The following EXOC6B variants were observed in gnomAD, a reference collection of about 807,000 sequenced individuals.
The protein encoded by EXOC6B is SEC15 homolog B.
In EXOC6B, 54 loss-of-function variants were observed where a neutral mutation model predicts 113.5. The ratio of observed to expected loss-of-function variants is 0.48; its 90% CI spans 0.38 to 0.60. EXOC6B has a LOEUF of 0.60. Ranked by LOEUF, EXOC6B falls within the 20% of genes least tolerant of loss-of-function variation. The pLI is 0.00. For synonymous variants in EXOC6B, 357 were observed against 339.0 expected, an observed-to-expected ratio of 1.05 and a Z score of -0.58; for missense variants, 797 against 977.5, an observed-to-expected ratio of 0.82 and a Z score of 2.46.
At chr2:72,232,842 C>T (rs1006299936) in intron 20 of EXOC6B, among the ~76,000 whole-genome samples, 3 of 152,054 alleles carry the variant, frequency 2.0e-5, no homozygotes, top group South Asian at 2.1e-4. Flanking sequence ...CAGGCTGAGG[C>T]GGGTGGATCA....
chr2:72,820,173 A>G (rs539868334), intron 1 of EXOC6B, among the ~76,000 whole-genome samples: 1 of 152,286 alleles, frequency 6.6e-6, no homozygotes, highest in Non-Finnish European at 1.5e-5. Context: ...TTTCTTGTTT[A>G]TAAAGAGCTA....
intron 20 of EXOC6B, among the ~76,000 whole-genome samples, chr2:72,247,957 G>A (rs2104532284): frequency 6.6e-6 from 1 of 152,224 alleles, no homozygotes; most frequent in Non-Finnish European, 1.5e-5. Context: ...CCTGGAAAAT[G>A]GGAGATAGAC....
intron 18 of EXOC6B, among the ~76,000 whole-genome samples, chr2:72,391,856 C>T (rs185688385): frequency 1.3e-5 from 2 of 152,120 alleles, no homozygotes; most frequent in Admixed American, 6.6e-5. Flanking sequence ...GCCTGAGCAA[C>T]ATAGTGAGAC....
At position 72,189,860 on chromosome 2, in the gene EXOC6B, C is replaced by CTTTTTTTTTTTTTTTTTT. The variant is rs57679690; in HGVS notation, c.2197-5691_2197-5674dup. ...TCTCTCTCTCTTTCTCCTTCTTCTT[C>CTTTTTTTTTTTTTTTTTT]TTTTTTTTTTTTTTTTTTTTGAGGC... On this transcript the variant is annotated intron_variant, in intron 20 of 21. Coordinates refer to ENST00000272427, the MANE Select transcript of EXOC6B (RefSeq NM_015189.3). Among the ~76,000 whole-genome samples, 11 of 87,252 alleles carry CTTTTTTTTTTTTTTTTTT rather than the reference C, an allele frequency of 1.3e-4. 1 individual carries two copies. The highest frequency in any genetic ancestry group is 5.2e-4 in the African/African-American group (8 of 15,346). The allele number at this position is 87,252 out of a possible 152,430, so 57.2% of individuals were successfully genotyped here.
chr2:72,472,129 A>T (rs1461362017), intron 17 of EXOC6B, among the ~76,000 whole-genome samples: 2 of 152,136 alleles, frequency 1.3e-5, no homozygotes, highest in East Asian at 3.9e-4. Flanking sequence ...TATGTTGCTG[A>T]TAATTTTTGC....
At chr2:72,501,279 T>G (rs900065342) in intron 11 of EXOC6B, among the ~76,000 whole-genome samples, 46 of 152,128 alleles carry the variant, frequency 3.0e-4, no homozygotes, top group African/African-American at 1.1e-3. Context: ...CCTGAGGTAA[T>G]GAGTTCATAT....
chr2:72,795,500 C>G (rs1176056251), intron 1 of EXOC6B, among the ~76,000 whole-genome samples: 2 of 151,918 alleles, frequency 1.3e-5, no homozygotes, highest in African/African-American at 4.8e-5. Context: ...GGCGTGAACC[C>G]GGGAGGCAGA....
At chr2:72,724,396 G>C (rs1680183312) in intron 5 of EXOC6B, among the ~76,000 whole-genome samples, 1 of 152,094 alleles carries the variant, frequency 6.6e-6, no homozygotes, top group Non-Finnish European at 1.5e-5. Flanking sequence ...ATAAAGGTGG[G>C]CCTTTAAGCA....
In EXOC6B at chr2:72,480,583, A is replaced by AAGC. The variant is rs56804361; in HGVS notation, c.1800+30_1800+32dup. Reference sequence around the variant, plus strand: ...GAACGTCCCAGACTGTGTACACCAGAAGCAGTTCCACAGTACTGTAGGGCC... The same window carrying AAGC: ...GAACGTCCCAGACTGTGTACACCAGAAGCAGCAGTTCCACAGTACTGTAGGGCC... On this transcript the variant is annotated intron_variant, in intron 17 of 21. Transcript: ENST00000272427. 954 of 1,549,870 alleles carry AAGC rather than the reference A, an allele frequency of 6.2e-4. 6 individuals are homozygous for AAGC. The African/African-American group carries it at 0.012, about 19-fold the overall frequency.
At chr2:72,314,812 G>A (rs1419157586) in intron 20 of EXOC6B, among the ~76,000 whole-genome samples, 1 of 152,138 alleles carries the variant, frequency 6.6e-6, no homozygotes, top group Admixed American at 6.5e-5. Flanking sequence ...TTAAAACTAA[G>A]GCAAGCATGT....
At chr2:72,273,597 TG>T (rs1684638148) in intron 20 of EXOC6B, among the ~76,000 whole-genome samples, 1 of 152,052 alleles carries the variant, frequency 6.6e-6, no homozygotes, top group Non-Finnish European at 1.5e-5. Flanking sequence ...GTTGAGTAAA[TG>T]TTTGCCAGAG....
chr2:72,199,689 C>T (rs753208873), intron 20 of EXOC6B, among the ~76,000 whole-genome samples: 3 of 152,158 alleles, frequency 2.0e-5, no homozygotes, highest in Non-Finnish European at 4.4e-5. Context: ...CACAATATTA[C>T]TTCTCAGAAT....
intron 18 of EXOC6B, among the ~76,000 whole-genome samples, chr2:72,406,339 T>C (rs554452797): frequency 7.2e-5 from 11 of 152,194 alleles, no homozygotes; most frequent in African/African-American, 2.7e-4. Flanking sequence ...AACTCAGCTC[T>C]GCACCAAGCA....
intron 6 of EXOC6B, among the ~76,000 whole-genome samples, chr2:72,650,694 T>C (rs1674102182): frequency 6.6e-6 from 1 of 151,858 alleles, no homozygotes; most frequent in African/African-American, 2.4e-5. Flanking sequence ...CTGAAGAGGA[T>C]ATAGGAATGG....
chr2:72,314,293 T>G (rs1687381580), intron 20 of EXOC6B, among the ~76,000 whole-genome samples: 2 of 152,196 alleles, frequency 1.3e-5, no homozygotes, highest in African/African-American at 4.8e-5. Context: ...TCTACTCTAC[T>G]CTGCTGGAAT....
At chr2:72,448,783 G>A (rs1696738504) in intron 18 of EXOC6B, among the ~76,000 whole-genome samples, 1 of 152,164 alleles carries the variant, frequency 6.6e-6, no homozygotes, top group East Asian at 1.9e-4. Context: ...TGAGTTCAGA[G>A]TTGTGTTCAA....
At chr2:72,576,598 A>G (rs2103832043) in intron 6 of EXOC6B, among the ~76,000 whole-genome samples, 1 of 152,216 alleles carries the variant, frequency 6.6e-6, no homozygotes, top group South Asian at 2.1e-4. Context: ...CACTACATCA[A>G]CAGTCCCTCA....
chr2:72,557,412 A>G (rs1703620055), intron 8 of EXOC6B, among the ~76,000 whole-genome samples: 1 of 151,462 alleles, frequency 6.6e-6, no homozygotes, highest in Admixed American at 6.6e-5. Context: ...CCTTGATACA[A>G]TTCAATCTAC....
At chr2:72,681,041 C>T (rs997366549) in intron 6 of EXOC6B, among the ~76,000 whole-genome samples, 1 of 152,184 alleles carries the variant, frequency 6.6e-6, no homozygotes, top group African/African-American at 2.4e-5. Context: ...TTACATACAA[C>T]TCTGATAAGT....
Sources: gnomAD v4.1 joint callset for allele counts (sites outside exome capture counted in the v4.1 genomes callset) on GRCh38, gnomAD v4.1.1 for gene constraint, MANE v1.5 for transcripts, NCBI Gene and HGNC (gene_info 2026-07-23, HGNC 2026-07-21) for gene names.